OSBPL3: variants seen among roughly 807,000 people sequenced by gnomAD.
OSBPL3 encodes the protein oxysterol binding protein like 3.
Under a neutral mutation model 120.1 loss-of-function variants are expected in OSBPL3, and 65 were observed. The observed-to-expected ratio is 0.54, with a 90% CI of 0.44 to 0.67. OSBPL3 has a LOEUF of 0.67. OSBPL3 is among the 30% of genes least tolerant of loss of function. The pLI is 0.00. For synonymous variants in OSBPL3, 416 were observed against 402.6 expected (o/e 1.03, Z -0.40); for missense variants, 1,004 against 1,082.1 (o/e 0.93, Z 1.01).
intron 2 of OSBPL3, among the ~76,000 whole-genome samples, chr7:24,875,349 T>C (rs1320847266): frequency 6.6e-6 from 1 of 152,256 alleles, no homozygotes; most frequent in Admixed American, 6.5e-5. Flanking sequence ...AGCACACCTG[T>C]ATCCTCTCCA....
rs905069411 is a variant in OSBPL3, at chr7:24,867,525, C to T, written c.382-1288G>A. ...TGTTCTCGTGGTGGTGCGTGGGTCT[C>T]GCAAGATCTGGTGGTATTATAAAGT... On this transcript the variant is annotated intron_variant, in intron 5 of 22. Coordinates refer to ENST00000313367, the MANE Select transcript of OSBPL3 (RefSeq NM_015550.4). The surrounding 1 kb of genome is among the most constrained non-coding windows in gnomAD (Gnocchi z 4.5). Among the ~76,000 whole-genome samples the T allele has an allele frequency of 3.3e-5, 5 of 152,078 alleles. No individual in the cohort carries two copies. The highest frequency in any genetic ancestry group is 2.1e-4 in the South Asian group (1 of 4,812).
rs70942886 is a variant in OSBPL3, at chr7:24,841,717, A to AAAAAAAG, written c.1401+561_1401+562insCTTTTTT. Among the ~76,000 whole-genome samples the AAAAAAAG allele has an allele frequency of 6.6e-3, 548 of 82,784 alleles. 98 individuals carry two copies. The highest frequency in any genetic ancestry group is 0.017 in the East Asian group (38 of 2,256). The allele number at this position is 82,784 out of a possible 152,430, so 54.3% of individuals were successfully genotyped here. ...CTCAAAAAAAAAAAAAAAAAAAAAA[A>AAAAAAAG]AAAAGAGGCCAGGCACAGTGGCTCA... On this transcript the variant is annotated intron_variant, in intron 13 of 22. Coordinates refer to ENST00000313367, the MANE Select transcript of OSBPL3 (RefSeq NM_015550.4).
intron 1 of OSBPL3, among the ~76,000 whole-genome samples, chr7:24,909,657 T>C (rs1808485495): frequency 6.6e-6 from 1 of 152,144 alleles, no homozygotes; most frequent in Admixed American, 6.5e-5. Flanking sequence ...TCTGTACGTC[T>C]TAACAGAAAG....
intron 1 of OSBPL3, among the ~76,000 whole-genome samples, chr7:24,924,302 G>A (rs1810768139): frequency 6.6e-6 from 1 of 152,168 alleles, no homozygotes. Flanking sequence ...GGCCACATTT[G>A]GGTGGCAACG....
Position 24,861,639 on chromosome 7 carries a change from T to G in OSBPL3, c.1001A>C (p.Glu334Ala), listed in dbSNP as rs745323056. 6.2e-7 allele frequency: 1 copy of G among 1,604,940 alleles called. No homozygotes were observed. The highest frequency in any genetic ancestry group is 8.5e-7 in the Non-Finnish European group (1 of 1,176,804). The change falls in exon 10 of 23, where the codon GAA (glutamate) becomes GCA (alanine). Residue 334 changes from glutamate (E) to alanine (A), a missense_variant. By Grantham distance (107) the Glu-to-Ala change is moderately radical. This residue lies in a region of OSBPL3 where 272 missense variants were observed against 248.8 expected (regional missense o/e 1.09). Transcript: ENST00000313367. ...ETSSEFSKMQEDLCHIAHKVY... is the reference protein window; with the variant it reads ...ETSSEFSKMQADLCHIAHKVY... ...TTTATGGGCAATATGACACAGATCTTCTTGCATTTTAGAAAACTCTGATGA... is the reference window on the plus strand; with the variant it reads ...TTTATGGGCAATATGACACAGATCTGCTTGCATTTTAGAAAACTCTGATGA...
rs932661630 is a variant in OSBPL3 at position 24,889,577 on chromosome 7, G to T, written c.96+2800C>A. Among the ~76,000 whole-genome samples, 3 of 151,818 alleles carry T rather than the reference G, an allele frequency of 2.0e-5. No homozygotes were observed. In the East Asian group the frequency reaches 5.8e-4, roughly 29 times the overall value. On this transcript the variant is annotated intron_variant, in intron 2 of 22. Transcript: ENST00000313367. ...CCATAAATATATACAACTTTCATTT[G>T]TCATTTATTAGCTCAACAAACCTGA...
In OSBPL3 at chr7:24,951,153, G is replaced by A. The variant is rs80197350; in HGVS notation, c.-150+28733C>T. 2.0e-5 allele frequency among the ~76,000 whole-genome samples: 3 copies of A among 152,250 alleles called. No homozygotes were observed. In the East Asian group the frequency reaches 5.8e-4, roughly 29 times the overall value. Reference sequence around the variant, plus strand: ...AGCATCAAGAGGATGGAAAGTAGGAGAAAAGAAACGAAGAAATTTGAGATT... The same window carrying A: ...AGCATCAAGAGGATGGAAAGTAGGAAAAAAGAAACGAAGAAATTTGAGATT... On this transcript the variant is annotated intron_variant, in intron 1 of 22. Transcript: ENST00000313367.
chr7:24,882,223 T>C (rs553826544), intron 2 of OSBPL3, among the ~76,000 whole-genome samples: 5 of 152,220 alleles, frequency 3.3e-5, no homozygotes, highest in Non-Finnish European at 7.4e-5. Flanking sequence ...GTACATTGTG[T>C]CCATTACCTA....
At position 24,831,102 on chromosome 7, in the gene OSBPL3, A is replaced by C. The variant is rs941542401; in HGVS notation, c.1747-197T>G. 6.6e-6 allele frequency among the ~76,000 whole-genome samples: 1 copy of C among 152,228 alleles called. No homozygotes were observed. Among genetic ancestry groups the C allele is most frequent in the Non-Finnish European group, 1.5e-5 (1 of 68,038 alleles). ...TCTGGGCCCCAAAACAAATTAACCC[A>C]ATGTTTTAAAGCTGTCCATTTATCT... is the stretch of plus-strand genomic sequence containing the variant. On this transcript the variant is annotated intron_variant, in intron 15 of 22. Coordinates refer to ENST00000313367, the MANE Select transcript of OSBPL3 (RefSeq NM_015550.4). This position sits in a 1 kb window ranked among gnomAD's most constrained non-coding sequence, Gnocchi z 4.0.
chr7:24,971,225 C>T (rs1286418228), intron 1 of OSBPL3, among the ~76,000 whole-genome samples: 1 of 152,234 alleles, frequency 6.6e-6, no homozygotes, highest in Non-Finnish European at 1.5e-5. Flanking sequence ...CCTGACTGTA[C>T]CCCAGTTCTG....
chr7:24,913,927 T>C lies in OSBPL3; in HGVS notation c.-149-21306A>G, dbSNP rs77027495. On this transcript the variant is annotated intron_variant, in intron 1 of 22. Transcript: ENST00000313367. The surrounding 1 kb of genome is among the most constrained non-coding windows in gnomAD (Gnocchi z 5.3). ...CTACATATATGCATTGAAACTTTCC[T>C]AAGGAGCAGATTCATTACGAAAGAG... Among the ~76,000 whole-genome samples the C allele has an allele frequency of 1.1e-3, 160 of 152,278 alleles. 1 individual carries two copies. In the East Asian group the frequency reaches 0.028, roughly 27 times the overall value.
intron 1 of OSBPL3, among the ~76,000 whole-genome samples, chr7:24,917,370 G>T (rs1291998910): frequency 9.0e-6 from 1 of 110,822 alleles, no homozygotes; most frequent in Admixed American, 9.9e-5. Flanking sequence ...CTGGAGCATA[G>T]GATATTTGTA....
chr7:24,874,408 C>T (rs774047930), intron 2 of OSBPL3, among the ~76,000 whole-genome samples: 9 of 152,138 alleles, frequency 5.9e-5, no homozygotes, highest in African/African-American at 1.4e-4. Flanking sequence ...TCAAAACATT[C>T]GATTGTGCAC....
At chr7:24,909,865 T>A in intron 1 of OSBPL3, among the ~76,000 whole-genome samples, 1 of 133,926 alleles carries the variant, frequency 7.5e-6, no homozygotes, top group Non-Finnish European at 1.6e-5. Context: ...TGATCTCAGC[T>A]CAGATCTCAG....
In OSBPL3 at chr7:24,834,134, G is replaced by C. The variant is rs1291874231; in HGVS notation, c.1746+352C>G. 25 of 1,014,892 alleles carry C rather than the reference G, an allele frequency of 2.5e-5. No individual in the cohort carries two copies. Among genetic ancestry groups the C allele is most frequent in the Non-Finnish European group, 3.0e-5 (25 of 842,524 alleles). The allele number at this position is 1,014,892 out of a possible 1,614,324, so 62.9% of individuals were successfully genotyped here. ...AGAAATTAAATTCTGTCCACCCAGGGAAGTAAAAATAAACATGCAGACAGC... is the reference window on the plus strand; with the variant it reads ...AGAAATTAAATTCTGTCCACCCAGGCAAGTAAAAATAAACATGCAGACAGC... On this transcript the variant is annotated intron_variant, in intron 15 of 22. Coordinates refer to ENST00000313367, the MANE Select transcript of OSBPL3 (RefSeq NM_015550.4). The surrounding 1 kb of genome is among the most constrained non-coding windows in gnomAD (Gnocchi z 5.2).
In OSBPL3 at chr7:24,871,799, T is replaced by G; in HGVS notation, c.214-4A>C. On this transcript the variant is annotated splice_region_variant and splice_polypyrimidine_tract_variant and intron_variant, in intron 3 of 22. Coordinates refer to ENST00000313367, the MANE Select transcript of OSBPL3 (RefSeq NM_015550.4). The surrounding 1 kb of genome is among the most constrained non-coding windows in gnomAD (Gnocchi z 4.8). ...CTTTGTCCAGATAGAAGAATCTCTG[T>G]GGGGAAGAAAGTATTATTAATTAAG... The G allele has an allele frequency of 6.2e-7, 1 of 1,609,228 alleles. No individual in the cohort carries two copies. Among genetic ancestry groups the G allele is most frequent in the South Asian group, 1.1e-5 (1 of 90,880 alleles).
intron 14 of OSBPL3, among the ~76,000 whole-genome samples, chr7:24,839,951 A>G (rs528731588): frequency 1.3e-3 from 181 of 134,948 alleles, no homozygotes; most frequent in African/African-American, 4.7e-3. Flanking sequence ...AGACTGCACC[A>G]TTGTACTCCA....
rs371249266 is a variant in OSBPL3, at chr7:24,849,168, T to C, written c.1167A>G (p.Ala389=). 2.5e-6 allele frequency: 4 copies of C among 1,613,082 alleles called. No individual in the cohort carries two copies. Among genetic ancestry groups the C allele is most frequent in the Non-Finnish European group, 3.4e-6 (4 of 1,179,090 alleles). ...AGCGTTCTTTAAGATCTGTGTTTTG[T>C]GCTAGGGCCTGGAACATGTTAAAAT... ...GLKNALSSAL[A]QNTDLKERLR... The change falls in exon 12 of 23, where the codon GCA becomes GCG. Residue 389 remains alanine (A), a synonymous_variant. Coordinates refer to ENST00000313367, the MANE Select transcript of OSBPL3 (RefSeq NM_015550.4). This position sits in a 1 kb window ranked among gnomAD's most constrained non-coding sequence, Gnocchi z 5.4.
At chr7:24,963,200 AG>A (rs1366947896) in intron 1 of OSBPL3, among the ~76,000 whole-genome samples, 1 of 152,208 alleles carries the variant, frequency 6.6e-6, no homozygotes, top group Non-Finnish European at 1.5e-5. Flanking sequence ...CACAGGATAA[AG>A]TGAAATCTGA....
Sources: allele counts gnomAD v4.1 joint callset (sites outside exome capture counted in the v4.1 genomes callset), GRCh38; gene constraint gnomAD v4.1.1; regional missense constraint gnomAD v4.1.1; non-coding constraint Gnocchi (gnomAD v3.1); transcripts MANE v1.5; gene names NCBI Gene and HGNC (gene_info 2026-07-23, HGNC 2026-07-21).